The following SLC17A1 variants were observed in gnomAD, a reference collection of about 807,000 sequenced individuals.
SLC17A1 encodes the protein solute carrier family 17 member 1, also known as sodium-dependent phosphate transport protein 1.
Under a neutral mutation model 53.5 loss-of-function variants are expected in SLC17A1, and 51 were observed. The ratio of observed to expected loss-of-function variants is 0.95; its 90% confidence interval spans 0.76 to 1.20. SLC17A1 has a LOEUF of 1.20. SLC17A1 is among the 50% of genes most tolerant of loss of function. SLC17A1 has a pLI of 0.00. For missense variants in SLC17A1, 538 were observed against 568.2 expected (o/e 0.95, Z 0.54); for synonymous variants, 179 against 198.8 (o/e 0.90, Z 0.84).
chr6:25,830,286 G>A (rs1764900135), intron 2 of SLC17A1, among the ~76,000 whole-genome samples: 1 of 152,108 alleles, frequency 6.6e-6, no homozygotes, highest in African/African-American at 2.4e-5. Context: ...TCCACTAAAT[G>A]ATAAACTGAC....
intron 11 of SLC17A1, among the ~76,000 whole-genome samples, 191 bp downstream of exon 11, chr6:25,800,699 A>T (rs912550737): frequency 2.8e-4 from 43 of 152,338 alleles, no homozygotes; most frequent in African/African-American, 1.0e-3. Flanking sequence ...TCTAATTGAC[A>T]AATAATGAGA....
chr6:25,788,449 G>C (rs1031663687), intron 12 of SLC17A1, among the ~76,000 whole-genome samples: 1 of 152,116 alleles, frequency 6.6e-6, no homozygotes, highest in Admixed American at 6.5e-5. Flanking sequence ...AGCAGGACAC[G>C]GTGTGGGGAG....
chr6:25,811,685 CT>C lies in SLC17A1; in HGVS notation c.982del (p.Arg328GlyfsTer6). 6.2e-7 allele frequency: 1 copy of C among 1,613,906 alleles called. No homozygotes were observed. The highest frequency in any genetic ancestry group is 8.5e-7 in the Non-Finnish European group (1 of 1,179,846). On this transcript the variant is annotated frameshift_variant, in exon 9 of 13. Coordinates refer to ENST00000244527, the MANE Select transcript of SLC17A1 (RefSeq NM_005074.5). LOFTEE classifies it high-confidence loss of function. ...GACAGCAATTACGCTGAGAATATTCCTGGTCAGGAAGAAGTCTGATAACTGA... is the reference window on the plus strand; with the variant it reads ...GACAGCAATTACGCTGAGAATATTCCGGTCAGGAAGAAGTCTGATAACTGA... Reference protein sequence around the residue: ...AGQLSDFFLTRNILSVIAVRK... With the variant: ...AGQLSDFFLTXNILSVIAVRK...
chr6:25,791,214 G>T (rs2151475898), intron 12 of SLC17A1, among the ~76,000 whole-genome samples: 1 of 152,146 alleles, frequency 6.6e-6, no homozygotes, highest in African/African-American at 2.4e-5. Context: ...TGGATTTATT[G>T]CAATTCAGTG....
the SLC17A1 span, among the ~76,000 whole-genome samples, chr6:25,747,529 A>C: frequency 1.3e-5 from 2 of 152,238 alleles, no homozygotes; most frequent in Non-Finnish European, 2.9e-5. Context: ...TTAGCCAAAA[A>C]TATTCTTCCA....
At chr6:25,751,233 A>G in the SLC17A1 span, among the ~76,000 whole-genome samples, 1 of 152,226 alleles carries the variant, frequency 6.6e-6, no homozygotes, top group Non-Finnish European at 1.5e-5. Flanking sequence ...AATTGTCAAC[A>G]TCAGCCCTGA....
the SLC17A1 span, chr6:25,777,288 T>C: frequency 4.1e-6 from 1 of 244,896 alleles, no homozygotes; most frequent in Non-Finnish European, 7.8e-6. Flanking sequence ...TTCTATAGGG[T>C]ATGCTCATGA....
intron 10 of SLC17A1, among the ~76,000 whole-genome samples, chr6:25,802,136 T>A (rs1763796922): frequency 6.6e-6 from 1 of 152,194 alleles, no homozygotes; most frequent in South Asian, 2.1e-4. Flanking sequence ...ATATTAAAAA[T>A]TATATTTTAT....
chr6:25,726,665 A>G, the SLC17A1 span: 7 of 1,210,718 alleles, frequency 5.8e-6, no homozygotes, highest in South Asian at 1.0e-4. Context: ...TCGTACTAGA[A>G]TCGCCTCATT....
At chr6:25,732,493 G>A in the SLC17A1 span, 1 of 390,254 alleles carries the variant, frequency 2.6e-6, no homozygotes, top group Non-Finnish European at 4.9e-6. Context: ...TATTCATTCA[G>A]AGAGGTTCTG....
At chr6:25,752,756 T>A in the SLC17A1 span, among the ~76,000 whole-genome samples, 1 of 152,066 alleles carries the variant, frequency 6.6e-6, no homozygotes, top group Admixed American at 6.5e-5. Flanking sequence ...ATCGAGACCA[T>A]CCTGGCTAAC....
intron 3 of SLC17A1, among the ~76,000 whole-genome samples, chr6:25,826,045 A>G (rs986445411): frequency 7.9e-5 from 12 of 151,988 alleles, no homozygotes; most frequent in Admixed American, 3.9e-4. Flanking sequence ...TTTTTGCTGC[A>G]TCTACATCTT....
chr6:25,771,774 C>T, the SLC17A1 span, among the ~76,000 whole-genome samples: 711 of 152,120 alleles, frequency 4.7e-3, 3 homozygotes, highest in Non-Finnish European at 8.1e-3. Context: ...AGTAGAGAAT[C>T]AACTAGTGGA....
the SLC17A1 span, among the ~76,000 whole-genome samples, chr6:25,756,714 T>C: frequency 3.9e-5 from 6 of 152,210 alleles, no homozygotes; most frequent in Admixed American, 6.5e-5. Context: ...GGCAATTTAA[T>C]GAGAACTAAG....
intron 3 of SLC17A1, among the ~76,000 whole-genome samples, chr6:25,826,193 T>C (rs1764733925): frequency 6.6e-6 from 1 of 152,158 alleles, no homozygotes; most frequent in African/African-American, 2.4e-5. Flanking sequence ...TTTTTTCCTC[T>C]TGTCCAAATT....
the SLC17A1 span, among the ~76,000 whole-genome samples, chr6:25,741,049 G>A: frequency 2.8e-5 from 4 of 142,042 alleles, no homozygotes; most frequent in Non-Finnish European, 1.6e-5. Flanking sequence ...ATGAAGTAAG[G>A]TTGGTTAATA....
Position 25,824,397 on chromosome 6 carries a change from A to T in SLC17A1, c.207+2064T>A, listed in dbSNP as rs1764667454. ...CTATGATGCCCTTCATGCCATTAAA[A>T]AATAAATAAATAAACAAAAAATTTA... On this transcript the variant is annotated intron_variant, in intron 3 of 12. Coordinates refer to ENST00000244527, the MANE Select transcript of SLC17A1 (RefSeq NM_005074.5). Among the ~76,000 whole-genome samples, 3 of 151,880 alleles carry T rather than the reference A, an allele frequency of 2.0e-5. No individual in the cohort carries two copies. In the South Asian group the frequency reaches 6.2e-4, roughly 31 times the overall value.
At chr6:25,804,349 A>T (rs1763885634) in intron 10 of SLC17A1, among the ~76,000 whole-genome samples, 1 of 152,096 alleles carries the variant, frequency 6.6e-6, no homozygotes, top group Non-Finnish European at 1.5e-5. Flanking sequence ...TGATGAGGGG[A>T]TTTGTCTCTA....
chr6:25,800,803 G>A, intron 11 of SLC17A1, 87 bp downstream of exon 11: 4 of 812,216 alleles, frequency 4.9e-6, no homozygotes, highest in South Asian at 3.3e-5. Context: ...TCTCCTTCTG[G>A]CATCTTCTCT....
Sources: allele counts gnomAD v4.1 joint callset (sites outside exome capture counted in the v4.1 genomes callset), GRCh38; gene constraint gnomAD v4.1.1; transcripts MANE v1.5; gene names NCBI Gene and HGNC (gene_info 2026-07-23, HGNC 2026-07-21).